The following UST variants were observed in gnomAD, a reference collection of about 807,000 sequenced individuals.
UST encodes the protein chondroitin sulfate 2-O-sulfotransferase.
In UST, 21 loss-of-function variants were observed where a neutral mutation model predicts 45.6. The ratio of observed to expected loss-of-function variants is 0.46; its 90% CI spans 0.33 to 0.66. The LOEUF (loss-of-function observed/expected upper bound fraction) is 0.66. UST is among the 30% of genes least tolerant of loss of function. UST has a pLI of 0.02. For synonymous variants in UST, 215 were observed against 200.6 expected, an observed-to-expected ratio of 1.07 and a Z score of -0.61; for missense variants, 463 against 512.4, an observed-to-expected ratio of 0.90 and a Z score of 0.93.
At chr6:148,773,836 G>A (rs527443560) in intron 1 of UST, among the ~76,000 whole-genome samples, 1 of 152,310 alleles carries the variant, frequency 6.6e-6, no homozygotes, top group African/African-American at 2.4e-5. Context: ...AGCGGGATGG[G>A]CGTTGAGCAG....
chr6:148,797,681 G>C (rs1031833222), intron 1 of UST, among the ~76,000 whole-genome samples: 2 of 152,154 alleles, frequency 1.3e-5, no homozygotes, highest in Non-Finnish European at 2.9e-5. Context: ...TGGAATAAAC[G>C]TGAAGGTCTT....
intron 1 of UST, among the ~76,000 whole-genome samples, chr6:148,846,551 A>C (rs1368518662): frequency 1.3e-5 from 2 of 152,086 alleles, no homozygotes; most frequent in Non-Finnish European, 2.9e-5. Context: ...TACATATGTA[A>C]CTAACCTGCA....
chr6:148,767,827 C>A (rs143586295), intron 1 of UST, among the ~76,000 whole-genome samples: 3 of 152,122 alleles, frequency 2.0e-5, no homozygotes, highest in African/African-American at 4.8e-5. Flanking sequence ...TCATAGATAT[C>A]GTTTCACATC....
At chr6:149,005,849 A>G (rs1309325466) in intron 5 of UST, among the ~76,000 whole-genome samples, 2 of 152,206 alleles carry the variant, frequency 1.3e-5, no homozygotes, top group African/African-American at 2.4e-5. Context: ...AAGGCCCTCA[A>G]GAGACTGGGG....
At chr6:148,825,740 C>A (rs973543445) in intron 1 of UST, among the ~76,000 whole-genome samples, 8 of 152,184 alleles carry the variant, frequency 5.3e-5, no homozygotes, top group Non-Finnish European at 1.2e-4. Flanking sequence ...GAAGAGTTCT[C>A]AGCCTAATAG....
chr6:148,895,006 C>T (rs1386140928), intron 2 of UST, among the ~76,000 whole-genome samples: 9 of 151,736 alleles, frequency 5.9e-5, no homozygotes, highest in Non-Finnish European at 4.4e-5. Context: ...TTAGTAGAGA[C>T]GGGGTTTCAC....
At chr6:148,786,834 G>A (rs1272411389) in intron 1 of UST, among the ~76,000 whole-genome samples, 2 of 152,070 alleles carry the variant, frequency 1.3e-5, no homozygotes, top group African/African-American at 2.4e-5. Context: ...ACAACCAACA[G>A]TGTAAAAACA....
chr6:148,796,839 G>T (rs1283081970), intron 1 of UST, among the ~76,000 whole-genome samples: 2 of 107,744 alleles, frequency 1.9e-5, no homozygotes, highest in Non-Finnish European at 3.4e-5. Context: ...GTCTCCCTCT[G>T]TCACCCAGGC....
intron 1 of UST, among the ~76,000 whole-genome samples, chr6:148,761,906 C>T (rs932748681): frequency 2.6e-5 from 4 of 152,244 alleles, no homozygotes; most frequent in Non-Finnish European, 5.9e-5. Context: ...AGCTCTCTAA[C>T]AGCTGCATGG....
chr6:148,999,868 C>T (rs927717266), intron 5 of UST, among the ~76,000 whole-genome samples: 2 of 152,190 alleles, frequency 1.3e-5, no homozygotes, highest in African/African-American at 2.4e-5. Context: ...AGATGGTATA[C>T]TGAGTTCACA....
chr6:148,987,230 T>C (rs1181191977), intron 5 of UST, among the ~76,000 whole-genome samples: 1 of 152,232 alleles, frequency 6.6e-6, no homozygotes, highest in Non-Finnish European at 1.5e-5. Context: ...GGAAATTGTT[T>C]ATCCTCCCAG....
chr6:149,063,960 G>C (rs1014648387), intron 7 of UST, among the ~76,000 whole-genome samples: 3 of 152,152 alleles, frequency 2.0e-5, no homozygotes, highest in African/African-American at 7.2e-5. Context: ...TCCATCTCTT[G>C]ATTGAAACAC....
chr6:148,772,815 T>C (rs2114675953), intron 1 of UST, among the ~76,000 whole-genome samples: 1 of 152,302 alleles, frequency 6.6e-6, no homozygotes, highest in Middle Eastern at 3.4e-3. Flanking sequence ...TGAACATATT[T>C]TGAATGTCTT....
Position 148,940,896 on chromosome 6 carries a change from A to G in UST, c.292-383A>G, listed in dbSNP as rs561165430. ...ATTATTGCATTTTAAGAGTTCTGGAATTCCACTCCACTTCTTGATCACTCT... is the reference window on the plus strand; with the variant it reads ...ATTATTGCATTTTAAGAGTTCTGGAGTTCCACTCCACTTCTTGATCACTCT... On this transcript the variant is annotated intron_variant, in intron 2 of 7. Coordinates refer to ENST00000367463, the MANE Select transcript of UST (RefSeq NM_005715.3). Among the ~76,000 whole-genome samples, 9 of 152,302 alleles carry G rather than the reference A, an allele frequency of 5.9e-5. No homozygotes were observed. In the South Asian group the frequency reaches 1.7e-3, roughly 28 times the overall value.
intron 5 of UST, among the ~76,000 whole-genome samples, chr6:149,016,723 G>A (rs373220189): frequency 2.0e-5 from 3 of 152,316 alleles, no homozygotes; most frequent in East Asian, 3.9e-4. Flanking sequence ...GACTCTGGGG[G>A]GCTGACTGCG....
In UST at chr6:148,909,816, C is replaced by T. The variant is rs565155645; in HGVS notation, c.291+22787C>T. 8.9e-3 allele frequency among the ~76,000 whole-genome samples: 1,358 copies of T among 152,272 alleles called. 18 individuals carry two copies. The highest frequency in any genetic ancestry group is 0.031 in the African/African-American group (1,280 of 41,540). On this transcript the variant is annotated intron_variant, in intron 2 of 7. Transcript: ENST00000367463. The stretch of plus-strand genomic sequence containing the variant: ...ATTCCTCAAGCACTGTCCCCCCCGC[C>T]ACAGCAAAAATGATGGCAGATATGG...
At chr6:148,766,832 G>A (rs1343222425) in intron 1 of UST, among the ~76,000 whole-genome samples, 1 of 152,216 alleles carries the variant, frequency 6.6e-6, no homozygotes, top group Non-Finnish European at 1.5e-5. Context: ...AAGAACCACT[G>A]TAGCAGATAC....
chr6:148,964,525 A>G lies in UST; in HGVS notation c.643A>G (p.Ile215Val). ...GDWRGEQNHM[I>V]RTPSMRQEER... ...CTGGAGAGGGGAACAAAATCACATGATCCGCACCCCCAGCATGAGGCAGGA... is the reference window on the plus strand; with the variant it reads ...CTGGAGAGGGGAACAAAATCACATGGTCCGCACCCCCAGCATGAGGCAGGA... The change falls in exon 5 of 8, where the codon ATC (isoleucine) becomes GTC (valine). Residue 215 changes from isoleucine (I) to valine (V), a missense_variant. Transcript: ENST00000367463. 6.2e-7 allele frequency: 1 copy of G among 1,614,032 alleles called. No individual in the cohort carries two copies.
intron 5 of UST, among the ~76,000 whole-genome samples, chr6:148,967,054 T>A (rs1342680798): frequency 6.6e-6 from 1 of 152,138 alleles, no homozygotes. Flanking sequence ...GGAGTTTTTT[T>A]AAAAAGGTCA....
Sources: allele counts gnomAD v4.1 joint callset (sites outside exome capture counted in the v4.1 genomes callset), GRCh38; gene constraint gnomAD v4.1.1; transcripts MANE v1.5; gene names NCBI Gene and HGNC (gene_info 2026-07-23, HGNC 2026-07-21).